MAPK10: variants seen among roughly 807,000 people sequenced by gnomAD.
MAPK10 encodes the protein mitogen-activated protein kinase 10.
A neutral mutation model predicts 59.3 loss-of-function variants in MAPK10; 25 were observed. That is an observed-to-expected ratio of 0.42 (90% CI 0.31 to 0.59). The LOEUF (loss-of-function observed/expected upper bound fraction) is 0.59. MAPK10 is among the 20% of genes least tolerant of loss of function. The probability of loss-of-function intolerance (pLI) is 0.15; values close to 1 mark genes in which losing one functional copy is unlikely to be tolerated. For synonymous variants in MAPK10, 190 were observed against 200.5 expected (o/e 0.95, Z 0.44); for missense variants, 351 against 568.9 (o/e 0.62, Z 3.90).
intron 1 of MAPK10, among the ~76,000 whole-genome samples, chr4:86,541,821 G>C (rs576307878): frequency 6.6e-6 from 1 of 152,158 alleles, no homozygotes; most frequent in East Asian, 1.9e-4. Context: ...TCTGTGGACT[G>C]CCAAGAAATT....
intron 3 of MAPK10, among the ~76,000 whole-genome samples, chr4:86,176,292 G>A (rs2075672418): frequency 6.6e-6 from 1 of 152,130 alleles, no homozygotes; most frequent in Non-Finnish European, 1.5e-5. Flanking sequence ...TGCAGAGCAT[G>A]ATTACAAATT....
chr4:86,337,951 T>G (rs909084918), intron 2 of MAPK10, among the ~76,000 whole-genome samples: 1 of 152,198 alleles, frequency 6.6e-6, no homozygotes, highest in Non-Finnish European at 1.5e-5. Context: ...CCATCTACTT[T>G]CCTTAAGATA....
At chr4:86,468,876 AG>A (rs1233583089) in intron 1 of MAPK10, among the ~76,000 whole-genome samples, 1 of 151,978 alleles carries the variant, frequency 6.6e-6, no homozygotes, top group Non-Finnish European at 1.5e-5. Flanking sequence ...AAGAAAAAGA[AG>A]GAAAATAACA....
chr4:86,471,548 T>C (rs1016811598), intron 1 of MAPK10, among the ~76,000 whole-genome samples: 6 of 152,118 alleles, frequency 3.9e-5, no homozygotes, highest in Non-Finnish European at 7.4e-5. Flanking sequence ...AGAAATACAT[T>C]TTACAGTTTA....
chr4:86,460,759 C>G (rs1301269189), intron 1 of MAPK10, among the ~76,000 whole-genome samples: 1 of 152,242 alleles, frequency 6.6e-6, no homozygotes, highest in African/African-American at 2.4e-5. Flanking sequence ...CATGTTCCTG[C>G]TGCAGTTAAC....
chr4:86,293,195 C>T (rs1232611751), intron 2 of MAPK10, among the ~76,000 whole-genome samples: 8 of 152,046 alleles, frequency 5.3e-5, no homozygotes, highest in Non-Finnish European at 8.8e-5. Flanking sequence ...CAAAATGTCC[C>T]CTAGAATTTC....
At chr4:86,144,022 T>C (rs2064241936) in intron 4 of MAPK10, among the ~76,000 whole-genome samples, 1 of 152,314 alleles carries the variant, frequency 6.6e-6, no homozygotes, top group South Asian at 2.1e-4. Context: ...TAAATATTTT[T>C]TGAATGCATA....
At chr4:86,551,141 T>C (rs1036294990) in intron 1 of MAPK10, among the ~76,000 whole-genome samples, 6 of 152,218 alleles carry the variant, frequency 3.9e-5, no homozygotes, top group Non-Finnish European at 2.9e-5. Flanking sequence ...ACTCTTCTAA[T>C]ATTTATAGTA....
At chr4:86,266,502 C>T (rs2094242796) in intron 2 of MAPK10, among the ~76,000 whole-genome samples, 1 of 152,162 alleles carries the variant, frequency 6.6e-6, no homozygotes, top group Non-Finnish European at 1.5e-5. Context: ...TACAAACAGG[C>T]TGGGATGTCA....
intron 1 of MAPK10, among the ~76,000 whole-genome samples, chr4:86,546,103 G>T (rs1404146961): frequency 2.0e-5 from 3 of 152,074 alleles, no homozygotes; most frequent in Non-Finnish European, 4.4e-5. Flanking sequence ...GGTGCCTATA[G>T]TCCCAGCTAC....
chr4:86,489,372 A>T (rs948979588), intron 1 of MAPK10, among the ~76,000 whole-genome samples: 3 of 152,120 alleles, frequency 2.0e-5, no homozygotes, highest in Non-Finnish European at 4.4e-5. Context: ...TCCCAGTGTC[A>T]CCCACTCCCC....
intron 2 of MAPK10, among the ~76,000 whole-genome samples, chr4:86,206,603 TC>T (rs1260663655): frequency 1.1e-4 from 17 of 152,342 alleles, no homozygotes; most frequent in South Asian, 2.1e-4. Context: ...TAGTTCTAGA[TC>T]CCTGAAGAAT....
At chr4:86,176,636 T>C (rs1243769734) in intron 3 of MAPK10, among the ~76,000 whole-genome samples, 3 of 137,062 alleles carry the variant, frequency 2.2e-5, no homozygotes, top group Non-Finnish European at 4.5e-5. Flanking sequence ...AACTACTTAA[T>C]AAATTTTTAG....
intron 11 of MAPK10, among the ~76,000 whole-genome samples, chr4:86,060,300 C>T (rs1219510048): frequency 6.6e-6 from 1 of 152,216 alleles, no homozygotes; most frequent in African/African-American, 2.4e-5. Flanking sequence ...CTCCCTCTCC[C>T]TATGCCCTTG....
At chr4:86,272,466 T>C (rs1391937632) in intron 2 of MAPK10, among the ~76,000 whole-genome samples, 1 of 152,118 alleles carries the variant, frequency 6.6e-6, no homozygotes, top group Non-Finnish European at 1.5e-5. Context: ...TTTAAGTCTA[T>C]GATCCATCTC....
At chr4:86,535,522 A>G (rs1758173883) in intron 1 of MAPK10, among the ~76,000 whole-genome samples, 1 of 152,080 alleles carries the variant, frequency 6.6e-6, no homozygotes. Flanking sequence ...CATCTCGCTA[A>G]TTTTTTGTTT....
intron 2 of MAPK10, among the ~76,000 whole-genome samples, chr4:86,262,858 T>TC (rs2094060912): frequency 6.6e-6 from 1 of 152,138 alleles, no homozygotes; most frequent in African/African-American, 2.4e-5. Context: ...AGATCTCCTC[T>TC]CCAACTTTTC....
upstream of MAPK10, chr4:86,458,068 C>G (rs1751393561): frequency 6.6e-6 from 1 of 152,136 alleles, no homozygotes. Context: ...GAGGCCAAGG[C>G]AGGCAGATCA....
intron 1 of MAPK10, among the ~76,000 whole-genome samples, chr4:86,529,672 T>G (rs1452014304): frequency 6.6e-6 from 1 of 152,142 alleles, no homozygotes; most frequent in Non-Finnish European, 1.5e-5. Context: ...GCTTCCTCTC[T>G]CCCAACCTCC....
Sources: allele counts gnomAD v4.1 joint callset (sites outside exome capture counted in the v4.1 genomes callset), GRCh38; gene constraint gnomAD v4.1.1; transcripts MANE v1.5; gene names NCBI Gene and HGNC (gene_info 2026-07-23, HGNC 2026-07-21).